The following AUTS2 variants were observed in gnomAD, a reference collection of about 807,000 sequenced individuals.
AUTS2 encodes activator of transcription and developmental regulator AUTS2.
A neutral mutation model predicts 112.4 loss-of-function variants in AUTS2; 17 were observed. That is an observed-to-expected ratio of 0.15 (90% CI 0.10 to 0.23). AUTS2 has a LOEUF of 0.23. Ranked by LOEUF, AUTS2 falls within the 10% of genes least tolerant of loss-of-function variation. The probability of loss-of-function intolerance (pLI) is 1.00; values close to 1 mark genes in which losing one functional copy is unlikely to be tolerated. For synonymous variants in AUTS2, 751 were observed against 702.7 expected (o/e 1.07, Z -1.09); for missense variants, 1,510 against 1,701.6 (o/e 0.89, Z 1.98).
At chr7:70,184,674 T>C (rs1005723586) in intron 4 of AUTS2, among the ~76,000 whole-genome samples, 4 of 152,212 alleles carry the variant, frequency 2.6e-5, no homozygotes, top group African/African-American at 9.6e-5. Context: ...CAGCTCTCTC[T>C]TTTTTGGGTC....
At position 70,679,976 on chromosome 7, in the gene AUTS2, G is replaced by A. The variant is rs568143252; in HGVS notation, c.691-18593G>A. On this transcript the variant is annotated intron_variant, in intron 5 of 18. Coordinates refer to ENST00000342771, the MANE Select transcript of AUTS2 (RefSeq NM_015570.4). ...CCGTAGTACCAACTGACAGCGGCAC[G>A]GAGCCCAGGAGGCTCACTTGTACCT... Among the ~76,000 whole-genome samples, 14 of 152,276 alleles carry A rather than the reference G, an allele frequency of 9.2e-5. No individual in the cohort carries two copies. The South Asian group carries it at 2.1e-3, about 23-fold the overall frequency.
chr7:69,949,068 A>G (rs1462018863), intron 2 of AUTS2, among the ~76,000 whole-genome samples: 1 of 152,094 alleles, frequency 6.6e-6, no homozygotes, highest in African/African-American at 2.4e-5. Flanking sequence ...TGGCCTCCCA[A>G]AATGCTAGAA....
At chr7:69,859,865 G>A (rs1792897213) in intron 1 of AUTS2, among the ~76,000 whole-genome samples, 1 of 152,104 alleles carries the variant, frequency 6.6e-6, no homozygotes, top group Non-Finnish European at 1.5e-5. Context: ...AAATTACAGA[G>A]TTTAAGGACT....
chr7:70,178,447 G>A (rs1809113641), intron 4 of AUTS2, among the ~76,000 whole-genome samples: 1 of 151,928 alleles, frequency 6.6e-6, no homozygotes, highest in Non-Finnish European at 1.5e-5. Context: ...TTTTGTTCCT[G>A]TTCCTGTTGC....
intron 5 of AUTS2, among the ~76,000 whole-genome samples, chr7:70,539,710 G>A (rs780912666): frequency 3.9e-5 from 6 of 152,082 alleles, no homozygotes; most frequent in South Asian, 2.1e-4. Flanking sequence ...TTTACACTGC[G>A]AATCGCGAGG....
intron 5 of AUTS2, among the ~76,000 whole-genome samples, chr7:70,584,175 G>A (rs1258858840): frequency 6.6e-6 from 1 of 152,182 alleles, no homozygotes; most frequent in Non-Finnish European, 1.5e-5. Context: ...ATGCCCTGTA[G>A]CATAAATGTA....
chr7:70,462,252 G>A (rs909644832), intron 5 of AUTS2, among the ~76,000 whole-genome samples: 2 of 151,714 alleles, frequency 1.3e-5, no homozygotes, highest in Admixed American at 6.6e-5. Flanking sequence ...ACTCCGTGTC[G>A]AAAAAACAAA....
chr7:70,193,922 A>T (rs538270770), intron 4 of AUTS2, among the ~76,000 whole-genome samples: 7 of 152,308 alleles, frequency 4.6e-5, no homozygotes, highest in African/African-American at 1.4e-4. Context: ...TCAATGAATA[A>T]TGAATTTAGC....
chr7:70,773,743 C>T (rs1790509807), intron 11 of AUTS2, among the ~76,000 whole-genome samples: 1 of 152,220 alleles, frequency 6.6e-6, no homozygotes, highest in African/African-American at 2.4e-5. Flanking sequence ...TCCAGGACAG[C>T]ATTTACGTTT....
chr7:69,958,491 G>A lies in AUTS2; in HGVS notation c.522+58993G>A, dbSNP rs114107177. On this transcript the variant is annotated intron_variant, in intron 2 of 18. Transcript: ENST00000342771. ...ATACTTCCATCAGGGCCAAGTGGAG[G>A]TGCAGTAGAGCAGGGGCAGAGCTAA... Among the ~76,000 whole-genome samples the A allele has an allele frequency of 1.5e-3, 232 of 152,190 alleles. 1 individual carries two copies. The highest frequency in any genetic ancestry group is 4.7e-3 in the African/African-American group (195 of 41,534).
intron 4 of AUTS2, among the ~76,000 whole-genome samples, chr7:70,358,662 G>A (rs1282773409): frequency 6.6e-6 from 1 of 152,230 alleles, no homozygotes; most frequent in Non-Finnish European, 1.5e-5. Context: ...GTCCTAAGGG[G>A]GAATGTGTCA....
intron 4 of AUTS2, among the ~76,000 whole-genome samples, chr7:70,286,074 C>T (rs974865899): frequency 5.3e-5 from 8 of 152,190 alleles, no homozygotes; most frequent in Middle Eastern, 3.4e-3. Flanking sequence ...GAAAGCAGCA[C>T]GTTCAAAGAC....
chr7:70,536,523 A>G (rs969927462), intron 5 of AUTS2, among the ~76,000 whole-genome samples: 1 of 138,752 alleles, frequency 7.2e-6, no homozygotes, highest in African/African-American at 2.7e-5. Context: ...AAGAAACCAG[A>G]TTCAATGATC....
At chr7:70,525,735 T>C (rs1210705901) in intron 5 of AUTS2, among the ~76,000 whole-genome samples, 2 of 152,184 alleles carry the variant, frequency 1.3e-5, no homozygotes, top group Admixed American at 6.5e-5. Context: ...GTCTTCCCTA[T>C]GAGGAAAGGA....
At chr7:70,425,876 A>G (rs1435591110) in intron 4 of AUTS2, among the ~76,000 whole-genome samples, 1 of 152,204 alleles carries the variant, frequency 6.6e-6, no homozygotes, top group Non-Finnish European at 1.5e-5. Context: ...TCTAACATCT[A>G]TTGATTGCTT....
chr7:70,280,876 A>G (rs1181882419), intron 4 of AUTS2, among the ~76,000 whole-genome samples: 2 of 152,126 alleles, frequency 1.3e-5, no homozygotes, highest in Non-Finnish European at 2.9e-5. Flanking sequence ...TTTGCTCACT[A>G]ATGTATAGGT....
At chr7:69,614,314 C>CTTTCTT (rs1468098088) in intron 1 of AUTS2, among the ~76,000 whole-genome samples, 20 of 83,320 alleles carry the variant, frequency 2.4e-4, no homozygotes, top group South Asian at 4.8e-4. Context: ...CACTCTCCGT[C>CTTTCTT]TCTTTCTTTC....
intron 4 of AUTS2, among the ~76,000 whole-genome samples, chr7:70,196,449 A>G (rs1029745683): frequency 2.6e-5 from 4 of 152,236 alleles, no homozygotes; most frequent in African/African-American, 9.6e-5. Flanking sequence ...TATTTTGAAT[A>G]ACACAAACAA....
rs1359814837 is a variant in AUTS2 at position 70,417,894 on chromosome 7, A to G, written c.661-17858A>G. On this transcript the variant is annotated intron_variant, in intron 4 of 18. Coordinates refer to ENST00000342771, the MANE Select transcript of AUTS2 (RefSeq NM_015570.4). The stretch of plus-strand genomic sequence containing the variant: ...TGTTCTCTCACCTCCTGGCAGAAAC[A>G]CTGGGCCCTCACCACTGTTGTTTGG... Among the ~76,000 whole-genome samples the G allele has an allele frequency of 2.6e-5, 4 of 152,162 alleles. No individual in the cohort carries two copies. In the East Asian group the frequency reaches 7.7e-4, roughly 29 times the overall value.
Sources: allele counts gnomAD v4.1 joint callset (sites outside exome capture counted in the v4.1 genomes callset), GRCh38; gene constraint gnomAD v4.1.1; transcripts MANE v1.5; gene names NCBI Gene and HGNC (gene_info 2026-07-23, HGNC 2026-07-21).